SYK: variants seen among roughly 807,000 people sequenced by gnomAD.
The protein encoded by SYK is tyrosine-protein kinase SYK.
A neutral mutation model predicts 77.8 loss-of-function variants in SYK; 16 were observed. The observed-to-expected ratio is 0.21, with a 90% CI of 0.14 to 0.31. SYK has a LOEUF of 0.31. Ranked by LOEUF, SYK falls within the 10% of genes least tolerant of loss-of-function variation. SYK has a pLI of 1.00. For missense variants in SYK, 529 were observed against 814.4 expected (o/e 0.65, Z 4.26); for synonymous variants, 312 against 308.7 (o/e 1.01, Z -0.11).
rs369664894 is a variant in SYK at position 90,806,018 on chromosome 9, A to C, written c.-42+4125A>C. Among the ~76,000 whole-genome samples the C allele has an allele frequency of 2.2e-3, 338 of 152,378 alleles. 17 individuals are homozygous for C. In the South Asian group the frequency reaches 0.065, roughly 29 times the overall value. ...ATAATTATTCTCTCATTTGAGATTAAGAAGTTATTTGGTTTATTTTATTAT... is the reference window on the plus strand; with the variant it reads ...ATAATTATTCTCTCATTTGAGATTACGAAGTTATTTGGTTTATTTTATTAT... On this transcript the variant is annotated intron_variant, in intron 1 of 13. Coordinates refer to ENST00000375754, the MANE Select transcript of SYK (RefSeq NM_003177.7).
chr9:90,876,376 G>C (rs1289676438), intron 9 of SYK, among the ~76,000 whole-genome samples: 3 of 151,742 alleles, frequency 2.0e-5, no homozygotes. Flanking sequence ...ATGTGTGTGT[G>C]TGTAAATTAG....
rs746718066 is a variant in SYK, at chr9:90,844,199, T to TGCCTCCTC, written c.302_309dup (p.Lys104AlafsTer23). 1 of 1,614,222 alleles carries TGCCTCCTC rather than the reference T, an allele frequency of 6.2e-7. No individual in the cohort carries two copies. Among genetic ancestry groups the TGCCTCCTC allele is most frequent in the Admixed American group, 1.7e-5 (1 of 60,028 alleles). On this transcript the variant is annotated frameshift_variant, in exon 2 of 14. Coordinates refer to ENST00000375754, the MANE Select transcript of SYK (RefSeq NM_003177.7). LOFTEE classifies it high-confidence loss of function. ...CTCCCAGGAGTCTGATGGCCTGGTCTGCCTCCTCAAGAAGCCCTTCAACCG... is the reference window on the plus strand; with the variant it reads ...CTCCCAGGAGTCTGATGGCCTGGTCTGCCTCCTCGCCTCCTCAAGAAGCCCTTCAACCG...
At chr9:90,841,812 T>C (rs984662139) in intron 1 of SYK, among the ~76,000 whole-genome samples, 7 of 148,570 alleles carry the variant, frequency 4.7e-5, no homozygotes, top group Non-Finnish European at 1.0e-4. Flanking sequence ...TGTAGTGTGT[T>C]GTATGTGGTG....
intron 9 of SYK, among the ~76,000 whole-genome samples, chr9:90,875,618 A>G (rs1002975523): frequency 6.6e-6 from 1 of 152,296 alleles, no homozygotes; most frequent in Non-Finnish European, 1.5e-5. Flanking sequence ...TTATAGTTAC[A>G]TCTCATTTTT....
intron 2 of SYK, 151 bp from the exon 3 acceptor site, chr9:90,845,283 G>T: frequency 1.3e-6 from 1 of 775,844 alleles, no homozygotes; most frequent in Non-Finnish European, 2.0e-6. Flanking sequence ...AATGTGTAAA[G>T]GTCTTTCTGG....
chr9:90,891,642 T>C (rs1372352335), intron 13 of SYK, among the ~76,000 whole-genome samples: 1 of 152,216 alleles, frequency 6.6e-6, no homozygotes, highest in Non-Finnish European at 1.5e-5. Flanking sequence ...CAGAGGACTC[T>C]GTTACCCTCA....
At chr9:90,806,965 A>G (rs953714566) in intron 1 of SYK, among the ~76,000 whole-genome samples, 1 of 144,716 alleles carries the variant, frequency 6.9e-6, no homozygotes. Context: ...GATTTCCTTG[A>G]TTGATTCCTG....
intron 1 of SYK, among the ~76,000 whole-genome samples, chr9:90,842,433 G>T (rs369839560): frequency 6.0e-5 from 9 of 150,704 alleles, no homozygotes; most frequent in African/African-American, 2.2e-4. Context: ...TGTATGTAAC[G>T]TAGAATTTGG....
At chr9:90,842,511 G>A (rs548695547) in intron 1 of SYK, among the ~76,000 whole-genome samples, 11 of 151,694 alleles carry the variant, frequency 7.3e-5, no homozygotes, top group African/African-American at 1.9e-4. Flanking sequence ...GTGTGGGGTA[G>A]TGTGTGTGAT....
intron 7 of SYK, among the ~76,000 whole-genome samples, chr9:90,867,705 A>T (rs1021222091): frequency 1.3e-5 from 2 of 152,150 alleles, no homozygotes; most frequent in African/African-American, 4.8e-5. Flanking sequence ...TGCAAATGTG[A>T]CATGTAAAGA....
intron 7 of SYK, 52 bp from the exon 8 acceptor site, chr9:90,874,152 T>A: frequency 7.3e-7 from 1 of 1,373,798 alleles, no homozygotes; most frequent in Non-Finnish European, 1.0e-6. Context: ...CAGATCAACT[T>A]AACAGTTTTG....
chr9:90,824,479 T>A (rs928920287), intron 1 of SYK, among the ~76,000 whole-genome samples: 1 of 151,922 alleles, frequency 6.6e-6, no homozygotes, highest in Non-Finnish European at 1.5e-5. Context: ...CAACAAAATG[T>A]TAGAAAATCA....
intron 1 of SYK, among the ~76,000 whole-genome samples, chr9:90,803,872 C>T (rs1047343141): frequency 3.3e-5 from 5 of 152,130 alleles, no homozygotes; most frequent in African/African-American, 9.7e-5. Context: ...GGAGAGAATC[C>T]TGTAATTCCA....
intron 1 of SYK, among the ~76,000 whole-genome samples, chr9:90,816,509 C>A (rs77256345): frequency 0.016 from 2,384 of 152,220 alleles, 66 homozygotes; most frequent in African/African-American, 0.055. Context: ...AAGCTTGAGG[C>A]CCAGTAATAC....
chr9:90,815,952 A>G (rs1018420553), intron 1 of SYK, among the ~76,000 whole-genome samples: 78 of 152,342 alleles, frequency 5.1e-4, no homozygotes, highest in African/African-American at 1.9e-3. Context: ...AGAGCTTTAC[A>G]AGGGAGAGAT....
At chr9:90,853,002 T>G (rs1254791075) in intron 3 of SYK, among the ~76,000 whole-genome samples, 7 of 152,082 alleles carry the variant, frequency 4.6e-5, no homozygotes, top group African/African-American at 1.2e-4. Context: ...TGATTTTGTT[T>G]TCATTTACTT....
At chr9:90,864,357 C>G (rs1363784057) in intron 4 of SYK, among the ~76,000 whole-genome samples, 1 of 152,142 alleles carries the variant, frequency 6.6e-6, no homozygotes, top group African/African-American at 2.4e-5. Context: ...CCTAAAATAC[C>G]ACTTTCTGGC....
intron 3 of SYK, among the ~76,000 whole-genome samples, chr9:90,849,902 C>T (rs1046157953): frequency 6.6e-6 from 1 of 152,252 alleles, no homozygotes; most frequent in Non-Finnish European, 1.5e-5. Flanking sequence ...GTGCTTGGCA[C>T]CGAACGAAGC....
intron 7 of SYK, 37 bp from the exon 8 acceptor site, chr9:90,874,167 T>A (rs1241872670): frequency 6.5e-7 from 1 of 1,528,630 alleles, no homozygotes; most frequent in East Asian, 2.3e-5. Context: ...GTTTTGTGGA[T>A]GAAGAAAAAC....
Sources: allele counts gnomAD v4.1 joint callset (sites outside exome capture counted in the v4.1 genomes callset), GRCh38; gene constraint gnomAD v4.1.1; transcripts MANE v1.5; gene names NCBI Gene and HGNC (gene_info 2026-07-23, HGNC 2026-07-21).